Variants in HADHB observed in about 807,000 individuals in gnomAD.
HADHB encodes the protein hydroxyacyl-CoA dehydrogenase trifunctional multienzyme complex subunit beta.
HADHB carries 50 observed loss-of-function variants against 61.9 expected under a neutral mutation model. The ratio of observed to expected loss-of-function variants is 0.81; its 90% confidence interval spans 0.64 to 1.02. The LOEUF (loss-of-function observed/expected upper bound fraction) is 1.02. Among genes scored for constraint, HADHB ranks in the 50% least tolerant of loss-of-function variants. The pLI, the probability that HADHB is intolerant of heterozygous loss-of-function variation, is 0.00. For missense variants in HADHB, 504 were observed against 586.5 expected (o/e 0.86, Z 1.45); for synonymous variants, 191 against 201.6 (o/e 0.95, Z 0.45).
At chr2:26,282,318 G>A (rs1447021850) in intron 10 of HADHB, among the ~76,000 whole-genome samples, 9 of 143,662 alleles carry the variant, frequency 6.3e-5, no homozygotes, top group Admixed American at 2.9e-4. Flanking sequence ...GCAGTGGCAC[G>A]ATCTCAGCTC....
chr2:26,280,698 C>CA (rs1444181468), intron 10 of HADHB, among the ~76,000 whole-genome samples: 4 of 151,812 alleles, frequency 2.6e-5, no homozygotes, highest in Non-Finnish European at 5.9e-5. Flanking sequence ...ACTAAAAATA[C>CA]AAAATTAGCC....
At chr2:26,258,584 G>A (rs1039234792) in intron 3 of HADHB, among the ~76,000 whole-genome samples, 3 of 152,178 alleles carry the variant, frequency 2.0e-5, no homozygotes, top group Non-Finnish European at 4.4e-5. Flanking sequence ...CGACAGTGGC[G>A]AACAGCGGGT....
At chr2:26,270,877 GC>G (rs1399581274) in intron 5 of HADHB, among the ~76,000 whole-genome samples, 1 of 143,628 alleles carries the variant, frequency 7.0e-6, no homozygotes, top group Non-Finnish European at 1.5e-5. Flanking sequence ...TTCTTCTGTA[GC>G]TTTTTTTTTT....
chr2:26,258,190 T>C (rs114763393), intron 3 of HADHB, among the ~76,000 whole-genome samples: 3,469 of 152,264 alleles, frequency 0.023, 122 homozygotes, highest in African/African-American at 0.078. Context: ...TATGTACTGT[T>C]GCTGTTGAGC....
rs781309147 is a variant in HADHB, at chr2:26,254,471, C to T, written c.106C>T (p.Pro36Ser). Residue 36 changes from proline to serine, a missense_variant, in exon 3 of 16, where the codon CCA becomes TCA. Transcript: ENST00000317799. ...LSCSSQLRAA[P>S]AVQTKTKKTL... The stretch of plus-strand genomic sequence containing the variant: ...CTGTTCCTCCCAGCTACGAGCTGCC[C>T]CAGGTACAGTAATTTGTAAAATAAA... The T allele has an allele frequency of 3.4e-5, 53 of 1,564,284 alleles. No homozygotes were observed. The highest frequency in any genetic ancestry group is 4.6e-5 in the Non-Finnish European group (52 of 1,134,714).
chr2:26,247,516 T>A (rs1365363513), intron 1 of HADHB, among the ~76,000 whole-genome samples: 2 of 152,206 alleles, frequency 1.3e-5, no homozygotes, highest in Admixed American at 6.5e-5. Context: ...CTGGACTTTT[T>A]AAAATGCATT....
At chr2:26,282,669 C>T (rs1263845487) in intron 10 of HADHB, among the ~76,000 whole-genome samples, 176 bp from the exon 11 acceptor site, 6 of 152,068 alleles carry the variant, frequency 3.9e-5, no homozygotes, top group African/African-American at 7.2e-5. Flanking sequence ...AATGAGTCAG[C>T]GTGTGTATGT....
chr2:26,279,870 C>A, intron 9 of HADHB, 124 bp from the exon 10 acceptor site: 1 of 710,672 alleles, frequency 1.4e-6, no homozygotes, highest in Non-Finnish European at 2.4e-6. Context: ...AAAACACTTT[C>A]CTTCTAGTGA....
chr2:26,271,344 C>T (rs1245495228), intron 5 of HADHB, among the ~76,000 whole-genome samples: 1 of 151,802 alleles, frequency 6.6e-6, no homozygotes, highest in Non-Finnish European at 1.5e-5. Context: ...CCCATCTCTA[C>T]TAAAAATACA....
intron 1 of HADHB, among the ~76,000 whole-genome samples, chr2:26,250,238 A>G (rs1671346436): frequency 6.6e-6 from 1 of 152,098 alleles, no homozygotes; most frequent in African/African-American, 2.4e-5. Flanking sequence ...TCCCAACCTC[A>G]GGTGATCCAC....
intron 6 of HADHB, among the ~76,000 whole-genome samples, chr2:26,275,739 G>A (rs1574660400): frequency 6.6e-6 from 1 of 152,184 alleles, no homozygotes. Context: ...GGCCTACCTG[G>A]AAAGACCAGA....
At chr2:26,269,000 T>C (rs1308794415) in intron 4 of HADHB, among the ~76,000 whole-genome samples, 1 of 151,774 alleles carries the variant, frequency 6.6e-6, no homozygotes, top group Non-Finnish European at 1.5e-5. Flanking sequence ...TACAAAAAAA[T>C]CAGCTGGGCG....
At chr2:26,287,609 T>C (rs1378458211) in intron 15 of HADHB, among the ~76,000 whole-genome samples, 1 of 152,162 alleles carries the variant, frequency 6.6e-6, no homozygotes, top group Non-Finnish European at 1.5e-5. Flanking sequence ...AAGTTTATAG[T>C]ATGAAGAGAG....
At chr2:26,286,871 A>G (rs1457654515) in intron 15 of HADHB, among the ~76,000 whole-genome samples, 1 of 150,156 alleles carries the variant, frequency 6.7e-6, no homozygotes. Context: ...TCTAGATTAC[A>G]GAAACTTCCT....
rs1672685135 is a variant in HADHB at position 26,279,228 on chromosome 2, G to A, written c.724G>A (p.Asp242Asn). Residue 242 changes from aspartate to asparagine, a missense_variant, in exon 9 of 16, where the codon GAT becomes AAT. Physicochemically the swap from Asp to Asn is conservative, Grantham distance 23. Coordinates refer to ENST00000317799, the MANE Select transcript of HADHB (RefSeq NM_000183.3). Reference sequence around the variant, plus strand: ...CTTTGCTGTTTCTCGGCTGGAACAGGATGAATATGCACTGCGCTCTCACAG... The same window carrying A: ...CTTTGCTGTTTCTCGGCTGGAACAGAATGAATATGCACTGCGCTCTCACAG... ...AAFAVSRLEQ[D>N]EYALRSHSLA... The A allele has an allele frequency of 6.2e-7, 1 of 1,613,514 alleles. No individual in the cohort carries two copies. Among genetic ancestry groups the A allele is most frequent in the South Asian group, 1.1e-5 (1 of 91,060 alleles).
intron 12 of HADHB, among the ~76,000 whole-genome samples, chr2:26,283,915 C>T (rs559233492): frequency 4.1e-4 from 62 of 152,280 alleles, no homozygotes; most frequent in Non-Finnish European, 7.9e-4. Flanking sequence ...ATCAATTTCT[C>T]TGACTCTGCA....
At chr2:26,285,164 T>C (rs1359176757) in intron 14 of HADHB, among the ~76,000 whole-genome samples, 1 of 152,194 alleles carries the variant, frequency 6.6e-6, no homozygotes, top group Non-Finnish European at 1.5e-5. Flanking sequence ...AAAATAGAAA[T>C]TATTTAGCAA....
chr2:26,272,942 G>C (rs555654193), intron 5 of HADHB, among the ~76,000 whole-genome samples: 1 of 151,918 alleles, frequency 6.6e-6, no homozygotes, highest in African/African-American at 2.4e-5. Flanking sequence ...AATAAGCCAG[G>C]CATCATGGCA....
At chr2:26,258,770 T>G (rs1671741938) in intron 3 of HADHB, among the ~76,000 whole-genome samples, 1 of 152,226 alleles carries the variant, frequency 6.6e-6, no homozygotes, top group Non-Finnish European at 1.5e-5. Flanking sequence ...TGCCTGGGGT[T>G]TATATCCCAA....
Sources: allele counts gnomAD v4.1 joint callset (sites outside exome capture counted in the v4.1 genomes callset), GRCh38; gene constraint gnomAD v4.1.1; transcripts MANE v1.5; gene names NCBI Gene and HGNC (gene_info 2026-07-23, HGNC 2026-07-21).